Variants in HSPBAP1 observed in about 807,000 individuals in gnomAD.
HSPBAP1 encodes HSPB1 associated protein 1, also known as HSPB1-associated protein 1.
HSPBAP1 carries 27 observed loss-of-function variants against 45.2 expected under a neutral mutation model. The ratio of observed to expected loss-of-function variants is 0.60; its 90% CI spans 0.44 to 0.82. HSPBAP1 has a LOEUF of 0.82. Among genes scored for constraint, HSPBAP1 ranks in the 40% least tolerant of loss-of-function variants. The probability of loss-of-function intolerance (pLI) is 0.00; values close to 1 mark genes in which losing one functional copy is unlikely to be tolerated. For missense variants in HSPBAP1, 510 were observed against 590.9 expected (o/e 0.86, Z 1.42); for synonymous variants, 204 against 202.7 (o/e 1.01, Z -0.06).
intron 4 of HSPBAP1, 54 bp downstream of exon 4, chr3:122,759,169 CA>C (rs1388223191): frequency 6.5e-7 from 1 of 1,532,638 alleles, no homozygotes; most frequent in Non-Finnish European, 8.8e-7. Flanking sequence ...CTATTGCATG[CA>C]TGCACATGTG....
At chr3:122,746,783 C>G (rs1468029239) in intron 6 of HSPBAP1, among the ~76,000 whole-genome samples, 1 of 152,122 alleles carries the variant, frequency 6.6e-6, no homozygotes, top group Non-Finnish European at 1.5e-5. Flanking sequence ...CTGCCGAGTG[C>G]CTGCGATTGC....
chr3:122,775,795 T>A (rs1285911092), intron 2 of HSPBAP1, among the ~76,000 whole-genome samples: 1 of 152,216 alleles, frequency 6.6e-6, no homozygotes, highest in Non-Finnish European at 1.5e-5. Flanking sequence ...TGAAAATACA[T>A]GTCCACACAA....
chr3:122,770,251 T>C (rs944182684), intron 2 of HSPBAP1, among the ~76,000 whole-genome samples: 3 of 152,214 alleles, frequency 2.0e-5, no homozygotes, highest in Non-Finnish European at 2.9e-5. Context: ...CTTTAACTTG[T>C]CACCTCACTT....
intron 3 of HSPBAP1, among the ~76,000 whole-genome samples, chr3:122,767,482 G>A (rs1371600943): frequency 6.6e-6 from 1 of 151,640 alleles, no homozygotes; most frequent in Non-Finnish European, 1.5e-5. Context: ...TTGAACCTGG[G>A]AGGAGGCAGA....
intron 6 of HSPBAP1, among the ~76,000 whole-genome samples, chr3:122,745,295 A>G (rs1933807033): frequency 6.6e-6 from 1 of 152,164 alleles, no homozygotes; most frequent in Admixed American, 6.5e-5. Context: ...ACCACAAAAT[A>G]AAATAATTCA....
intron 3 of HSPBAP1, chr3:122,761,584 A>G (rs1560131877): frequency 1.3e-5 from 2 of 150,406 alleles, no homozygotes; most frequent in Admixed American, 6.6e-5. Flanking sequence ...AGCGTGGGCA[A>G]TGTTTGGTGA....
chr3:122,781,576 A>G (rs1389926621), intron 1 of HSPBAP1, among the ~76,000 whole-genome samples: 1 of 152,108 alleles, frequency 6.6e-6, no homozygotes, highest in Admixed American at 6.5e-5. Flanking sequence ...ACGGAGAGAG[A>G]GAGGGAGAGG....
At position 122,768,890 on chromosome 3, in the gene HSPBAP1, G is replaced by GT; in HGVS notation, c.251-9dup. On this transcript the variant is annotated splice_polypyrimidine_tract_variant and intron_variant, in intron 2 of 7. Coordinates refer to ENST00000306103, the MANE Select transcript of HSPBAP1 (RefSeq NM_024610.6). ...TAGTTTCAAACTGAGGAACTGCAATGTAAGAGAATGCAACCTTAAATGTAT... is the reference window on the plus strand; with the variant it reads ...TAGTTTCAAACTGAGGAACTGCAATGTTAAGAGAATGCAACCTTAAATGTAT... 6.4e-7 allele frequency: 1 copy of GT among 1,557,990 alleles called. No individual in the cohort carries two copies. The highest frequency in any genetic ancestry group is 8.8e-7 in the Non-Finnish European group (1 of 1,132,814).
At chr3:122,749,614 CT>C (rs552402406) in intron 6 of HSPBAP1, among the ~76,000 whole-genome samples, 135 of 152,102 alleles carry the variant, frequency 8.9e-4, no homozygotes, top group African/African-American at 3.2e-3. Flanking sequence ...AATTTGACAT[CT>C]TTTTCTTTTT....
chr3:122,753,145 T>C, intron 5 of HSPBAP1: 1 of 321,530 alleles, frequency 3.1e-6, no homozygotes, highest in East Asian at 1.7e-4. Context: ...GTTTCAGAAT[T>C]TCAGAGGTGG....
intron 3 of HSPBAP1, among the ~76,000 whole-genome samples, chr3:122,767,401 A>G (rs1386524613): frequency 6.6e-6 from 1 of 152,170 alleles, no homozygotes; most frequent in Non-Finnish European, 1.5e-5. Flanking sequence ...TTAGCTGGGC[A>G]TGGCGGCAGT....
At chr3:122,758,896 C>CAAAAA (rs11369405) in intron 4 of HSPBAP1, 36 of 200,232 alleles carry the variant, frequency 1.8e-4, no homozygotes, top group East Asian at 5.2e-4. Flanking sequence ...TCTAATTTAC[C>CAAAAA]AAAAAAAAAA....
At position 122,752,642 on chromosome 3, in the gene HSPBAP1, G is replaced by A. The variant is rs144213586; in HGVS notation, c.774C>T (p.Tyr258=). The part of the protein sequence containing the change: ...VLFVPRHWWH[Y]VESIDPVTVS... ...CAGTGACAGGATCAATGGATTCTAC[G>A]TAATGCCACCAGTGTCTGGGAACAA... The change falls in exon 6 of 8, where the codon TAC becomes TAT. Residue 258 remains tyrosine (Y), a synonymous_variant. Coordinates refer to ENST00000306103, the MANE Select transcript of HSPBAP1 (RefSeq NM_024610.6). 1,369 of 1,608,126 alleles carry A rather than the reference G, an allele frequency of 8.5e-4. 3 individuals are homozygous for A. The highest frequency in any genetic ancestry group is 1.0e-3 in the Non-Finnish European group (1,215 of 1,177,880).
intron 2 of HSPBAP1, among the ~76,000 whole-genome samples, chr3:122,774,011 AG>A (rs756387172): frequency 1.3e-5 from 2 of 152,212 alleles, no homozygotes; most frequent in Non-Finnish European, 2.9e-5. Flanking sequence ...TGTTCTGAAA[AG>A]AATGTAAATA....
In HSPBAP1 at chr3:122,773,999, CAT is replaced by C. The variant is rs1334132442; in HGVS notation, c.250+3720_250+3721del. On this transcript the variant is annotated intron_variant, in intron 2 of 7. Coordinates refer to ENST00000306103, the MANE Select transcript of HSPBAP1 (RefSeq NM_024610.6). ...AAGAGTAGCAAAACAGGAACCCTCA[CAT>C]GTTCTGAAAAGAATGTAAATAGAAA... 2.0e-5 allele frequency among the ~76,000 whole-genome samples: 3 copies of C among 152,298 alleles called. No homozygotes were observed. The East Asian group carries it at 5.8e-4, about 29-fold the overall frequency.
intron 1 of HSPBAP1, among the ~76,000 whole-genome samples, chr3:122,786,023 G>T (rs1179036310): frequency 6.6e-6 from 1 of 151,948 alleles, no homozygotes; most frequent in Non-Finnish European, 1.5e-5. Context: ...AGAGACAAAT[G>T]AAAGGTCCAG....
chr3:122,783,803 C>T (rs1371539300), intron 1 of HSPBAP1, among the ~76,000 whole-genome samples: 1 of 151,478 alleles, frequency 6.6e-6, no homozygotes, highest in Admixed American at 6.6e-5. Context: ...AGAATGTCTT[C>T]CTTGTTCCTG....
At chr3:122,779,850 A>G (rs9809847) in intron 1 of HSPBAP1, among the ~76,000 whole-genome samples, 63,609 of 151,164 alleles carry the variant, frequency 0.42, 14,737 homozygotes, top group South Asian at 0.55. Flanking sequence ...ACAGGATACC[A>G]AGGCAGAAGA....
chr3:122,740,684 G>A lies in HSPBAP1; in HGVS notation c.1128C>T (p.Thr376=). 6.2e-7 allele frequency: 1 copy of A among 1,613,956 alleles called. No individual in the cohort carries two copies. The highest frequency in any genetic ancestry group is 8.5e-7 in the Non-Finnish European group (1 of 1,180,022). ...EVGQTGSQNL[T]TGTDKPEAAS... ...CTGCCTCCGGTTTGTCTGTTCCTGT[G>A]GTCAAGTTCTGGCTACCTGTTTGGC... Residue 376 remains threonine, a synonymous_variant, in exon 8 of 8, where the codon ACC becomes ACT. Coordinates refer to ENST00000306103, the MANE Select transcript of HSPBAP1 (RefSeq NM_024610.6).
Sources: allele counts gnomAD v4.1 joint callset (sites outside exome capture counted in the v4.1 genomes callset), GRCh38; gene constraint gnomAD v4.1.1; transcripts MANE v1.5; gene names NCBI Gene and HGNC (gene_info 2026-07-23, HGNC 2026-07-21).